Variants in DLG5 observed in about 807,000 individuals in gnomAD.
DLG5 encodes the protein discs large MAGUK scaffold protein 5, also known as disks large homolog 5.
Under a neutral mutation model 189.8 loss-of-function variants are expected in DLG5, and 48 were observed. The observed-to-expected ratio is 0.25, with a 90% CI of 0.20 to 0.32. The LOEUF is 0.32. Among genes scored for constraint, DLG5 ranks in the 10% least tolerant of loss-of-function variants. DLG5 has a pLI of 1.00. For missense variants in DLG5, 2,160 were observed against 2,544.7 expected (o/e 0.85, Z 3.25); for synonymous variants, 1,016 against 1,054.1 (o/e 0.96, Z 0.70).
chr10:77,888,449 T>C (rs537105097), intron 1 of DLG5, among the ~76,000 whole-genome samples: 2 of 152,272 alleles, frequency 1.3e-5, no homozygotes, highest in Non-Finnish European at 2.9e-5. Flanking sequence ...AAAACCATGA[T>C]GACAGAAGAC....
intron 20 of DLG5, among the ~76,000 whole-genome samples, chr10:77,814,385 T>C (rs1294671025): frequency 6.7e-6 from 1 of 148,916 alleles, no homozygotes; most frequent in Non-Finnish European, 1.5e-5. Flanking sequence ...TTATAAAGTA[T>C]ACTTAAACTA....
chr10:77,924,581 A>C, intron 1 of DLG5, among the ~76,000 whole-genome samples: 1 of 152,222 alleles, frequency 6.6e-6, no homozygotes, highest in East Asian at 1.9e-4. Flanking sequence ...ATAGATACAT[A>C]GATACAATTA....
rs780943582 is a variant in DLG5, at chr10:77,811,907, G to C, written c.4322+17C>G. 42 of 1,598,568 alleles carry C rather than the reference G, an allele frequency of 2.6e-5. 1 individual carries two copies. In the Middle Eastern group the frequency reaches 1.1e-3, roughly 44 times the overall value. The stretch of plus-strand genomic sequence containing the variant: ...CTCCACCCCCAGCCCAGACGGCCCT[G>C]GGAGGCCCGCACTCACCTGGACCGG... On this transcript the variant is annotated intron_variant, in intron 22 of 31. Coordinates refer to ENST00000372391, the MANE Select transcript of DLG5 (RefSeq NM_004747.4).
chr10:77,893,180 G>A (rs1302826972), intron 1 of DLG5, among the ~76,000 whole-genome samples: 1 of 152,166 alleles, frequency 6.6e-6, no homozygotes, highest in African/African-American at 2.4e-5. Context: ...AGCAAGGAAG[G>A]AGAGAGAGAA....
At chr10:77,895,775 C>T (rs957216109) in intron 1 of DLG5, among the ~76,000 whole-genome samples, 42 of 152,082 alleles carry the variant, frequency 2.8e-4, no homozygotes, top group Non-Finnish European at 5.3e-4. Context: ...TTTGGGAGGC[C>T]GAGGCAGGCG....
chr10:77,873,035 A>ATGTGTG (rs1844967690), intron 1 of DLG5, among the ~76,000 whole-genome samples: 1 of 107,860 alleles, frequency 9.3e-6, no homozygotes, highest in African/African-American at 3.6e-5. Context: ...GTGTGTGCAC[A>ATGTGTG]CACACACACA....
intron 1 of DLG5, among the ~76,000 whole-genome samples, chr10:77,896,612 G>A (rs189321077): frequency 6.6e-5 from 10 of 152,214 alleles, no homozygotes; most frequent in African/African-American, 1.7e-4. Context: ...AGGCCAAGGG[G>A]GGGTGGATCA....
Position 77,791,565 on chromosome 10 carries a change from G to C in DLG5, c.*875C>G, listed in dbSNP as rs1219641202. 4 of 152,190 alleles carry C rather than the reference G, an allele frequency of 2.6e-5. No individual in the cohort carries two copies. The highest frequency in any genetic ancestry group is 7.2e-5 in the African/African-American group (3 of 41,430). 9.4% of individuals were successfully genotyped at this position (152,190 alleles called of 1,614,324 possible). ...ACCTGCCACCCTCTAAAAAGTTTAA[G>C]AATTACCCTGCAAACATTGCACTGA... On this transcript the variant is annotated 3_prime_UTR_variant, in exon 32 of 32. Coordinates refer to ENST00000372391, the MANE Select transcript of DLG5 (RefSeq NM_004747.4).
chr10:77,834,618 G>C (rs1192364918), intron 8 of DLG5, among the ~76,000 whole-genome samples: 1 of 152,140 alleles, frequency 6.6e-6, no homozygotes, highest in African/African-American at 2.4e-5. Context: ...GGACCCCAAG[G>C]AGGTGGAAAC....
chr10:77,891,144 C>T lies in DLG5; in HGVS notation c.305-21947G>A, dbSNP rs182670419. ...CAGGAATGACCTGCTCCCCTATCTC[C>T]CTATGCATGCCTCCCTATGGTTCTA... On this transcript the variant is annotated intron_variant, in intron 1 of 31. Transcript: ENST00000372391. Among the ~76,000 whole-genome samples, 210 of 152,284 alleles carry T rather than the reference C, an allele frequency of 1.4e-3. 2 individuals are homozygous for T. The highest frequency in any genetic ancestry group is 4.9e-3 in the African/African-American group (205 of 41,572).
At chr10:77,799,649 G>T (rs574921665) in intron 27 of DLG5, among the ~76,000 whole-genome samples, 1 of 152,088 alleles carries the variant, frequency 6.6e-6, no homozygotes, top group South Asian at 2.1e-4. Context: ...TTGCTTTGTT[G>T]CCAGGCTGAA....
chr10:77,940,133 T>C, the DLG5 span, among the ~76,000 whole-genome samples: 3 of 152,140 alleles, frequency 2.0e-5, no homozygotes, highest in South Asian at 2.1e-4. Context: ...TTAGGACCAA[T>C]TGGAGGAAGC....
At chr10:77,906,814 T>C (rs2131822192) in intron 1 of DLG5, among the ~76,000 whole-genome samples, 1 of 151,948 alleles carries the variant, frequency 6.6e-6, no homozygotes, top group East Asian at 1.9e-4. Flanking sequence ...TCAGTAGACA[T>C]GGGGTTTCAC....
chr10:77,869,777 T>C (rs1243363034), intron 1 of DLG5, among the ~76,000 whole-genome samples: 2 of 152,146 alleles, frequency 1.3e-5, no homozygotes, highest in Non-Finnish European at 2.9e-5. Context: ...CCACACTTAA[T>C]GTTAATTCCT....
chr10:77,933,758 G>A, the DLG5 span, among the ~76,000 whole-genome samples: 2 of 151,560 alleles, frequency 1.3e-5, no homozygotes, highest in Non-Finnish European at 2.9e-5. Flanking sequence ...CTATATTCCT[G>A]TGATAAACAG....
chr10:77,819,770 T>C (rs930418493), intron 16 of DLG5, 125 bp downstream of exon 16: 3 of 1,436,988 alleles, frequency 2.1e-6, no homozygotes, highest in Non-Finnish European at 1.9e-6. Flanking sequence ...CATTTCCCAG[T>C]TCTCTGGACC....
At chr10:77,862,677 G>GA (rs1244466632) in intron 2 of DLG5, among the ~76,000 whole-genome samples, 1 of 152,226 alleles carries the variant, frequency 6.6e-6, no homozygotes. Flanking sequence ...AGCAGCTAGG[G>GA]AATGAATAAA....
chr10:77,907,566 T>C (rs1846102897), intron 1 of DLG5, among the ~76,000 whole-genome samples: 1 of 152,078 alleles, frequency 6.6e-6, no homozygotes, highest in South Asian at 2.1e-4. Flanking sequence ...GCAACAGAGT[T>C]ATACCCTGTC....
intron 1 of DLG5, among the ~76,000 whole-genome samples, chr10:77,922,884 T>TG (rs1846577842): frequency 6.6e-6 from 1 of 152,356 alleles, no homozygotes; most frequent in South Asian, 2.1e-4. Context: ...TTTAAATGTC[T>TG]GGGGATCTAA....
Sources: allele counts gnomAD v4.1 joint callset (sites outside exome capture counted in the v4.1 genomes callset), GRCh38; gene constraint gnomAD v4.1.1; transcripts MANE v1.5; gene names NCBI Gene and HGNC (gene_info 2026-07-23, HGNC 2026-07-21).